WWOX: variants seen among roughly 807,000 people sequenced by gnomAD.
The protein encoded by WWOX is WW domain containing oxidoreductase.
In WWOX, 69 loss-of-function variants were observed where a neutral mutation model predicts 46.2. The observed-to-expected ratio is 1.49, with a 90% CI of 1.23 to 1.82. The LOEUF (loss-of-function observed/expected upper bound fraction) is 1.82. WWOX is among the 40% of genes most tolerant of loss of function. The probability of loss-of-function intolerance (pLI) is 0.00; values close to 1 mark genes in which losing one functional copy is unlikely to be tolerated. For missense variants in WWOX, 919 were observed against 542.6 expected (o/e 1.69, Z -6.89); for synonymous variants, 359 against 202.6 (o/e 1.77, Z -6.56).
chr16:78,709,177 A>G (rs1308455966), intron 8 of WWOX, among the ~76,000 whole-genome samples: 1 of 152,140 alleles, frequency 6.6e-6, no homozygotes, highest in Non-Finnish European at 1.5e-5. Flanking sequence ...AACTGGAGAG[A>G]GGGGTTCTGT....
intron 8 of WWOX, among the ~76,000 whole-genome samples, chr16:78,859,362 G>C (rs2052663182): frequency 6.6e-6 from 1 of 151,888 alleles, no homozygotes; most frequent in Non-Finnish European, 1.5e-5. Flanking sequence ...AATTAGAAGA[G>C]CTCTGCCTTC....
At chr16:78,760,231 C>G (rs1410304135) in intron 8 of WWOX, among the ~76,000 whole-genome samples, 1 of 152,136 alleles carries the variant, frequency 6.6e-6, no homozygotes, top group Non-Finnish European at 1.5e-5. Flanking sequence ...AACATTAGAT[C>G]TCATGAGACT....
intron 8 of WWOX, among the ~76,000 whole-genome samples, chr16:78,792,655 G>A (rs575191127): frequency 6.6e-6 from 1 of 152,280 alleles, no homozygotes; most frequent in East Asian, 1.9e-4. Flanking sequence ...AAGGAAAGAG[G>A]AAGGATACCT....
At chr16:78,104,571 A>T (rs2032023676) in intron 1 of WWOX, among the ~76,000 whole-genome samples, 1 of 152,178 alleles carries the variant, frequency 6.6e-6, no homozygotes, top group African/African-American at 2.4e-5. Flanking sequence ...TGTTCACTTA[A>T]ATTTGAATCC....
At chr16:79,137,950 G>A (rs980532143) in intron 8 of WWOX, among the ~76,000 whole-genome samples, 1 of 152,148 alleles carries the variant, frequency 6.6e-6, no homozygotes, top group Non-Finnish European at 1.5e-5. Flanking sequence ...AAGTTTTGAG[G>A]ATGAAATTGG....
chr16:78,282,751 G>T (rs751854030), intron 5 of WWOX, among the ~76,000 whole-genome samples: 5 of 151,860 alleles, frequency 3.3e-5, no homozygotes, highest in African/African-American at 1.2e-4. Context: ...GGTGGTGTTC[G>T]CCTGTAGTCC....
At chr16:78,671,064 C>G (rs1395107878) in intron 8 of WWOX, among the ~76,000 whole-genome samples, 1 of 152,176 alleles carries the variant, frequency 6.6e-6, no homozygotes, top group Admixed American at 6.5e-5. Context: ...GCAGAACCCC[C>G]AGAAGGGACT....
At position 78,531,382 on chromosome 16, in the gene WWOX, G is replaced by A. The variant is rs62033978; in HGVS notation, c.1056+98630G>A. On this transcript the variant is annotated intron_variant, in intron 8 of 8. Coordinates refer to ENST00000566780, the MANE Select transcript of WWOX (RefSeq NM_016373.4). ...TCCTTAGGTTAGAATGGTTCTGTTG[G>A]TTGAATTGTGCACCCTGTTTGGTTG... Among the ~76,000 whole-genome samples the A allele has an allele frequency of 4.1e-3, 626 of 152,260 alleles. 4 individuals carry two copies. The highest frequency in any genetic ancestry group is 6.0e-3 in the Non-Finnish European group (407 of 68,020).
intron 6 of WWOX, among the ~76,000 whole-genome samples, chr16:78,419,121 A>T (rs56011450): frequency 0.058 from 8,833 of 152,276 alleles, 303 homozygotes; most frequent in South Asian, 0.14. Flanking sequence ...AAAGTTTAAT[A>T]TGCGTAAGTC....
intron 5 of WWOX, among the ~76,000 whole-genome samples, chr16:78,361,779 T>G (rs1487280061): frequency 1.3e-5 from 2 of 151,972 alleles, no homozygotes; most frequent in African/African-American, 4.8e-5. Flanking sequence ...GCCCAGCTAA[T>G]TTTTATATTT....
intron 4 of WWOX, among the ~76,000 whole-genome samples, chr16:78,151,928 C>T (rs113785524): frequency 3.9e-5 from 6 of 152,294 alleles, no homozygotes; most frequent in African/African-American, 9.6e-5. Flanking sequence ...CGGTGGCTCA[C>T]GCCTGTAATC....
At chr16:78,506,806 A>G (rs2085218350) in intron 8 of WWOX, among the ~76,000 whole-genome samples, 1 of 147,414 alleles carries the variant, frequency 6.8e-6, no homozygotes, top group African/African-American at 2.5e-5. Flanking sequence ...CTCTGGCTCC[A>G]GGTTTAAGTG....
chr16:78,172,926 G>C (rs2035210407), intron 5 of WWOX, among the ~76,000 whole-genome samples: 1 of 152,130 alleles, frequency 6.6e-6, no homozygotes, highest in Admixed American at 6.5e-5. Context: ...TATTTAAGAG[G>C]GGAAAAATAT....
chr16:78,998,979 T>C (rs2047042526), intron 8 of WWOX, among the ~76,000 whole-genome samples: 1 of 152,140 alleles, frequency 6.6e-6, no homozygotes, highest in African/African-American at 2.4e-5. Context: ...TCCAGGAAAG[T>C]CCCAGATGTA....
At chr16:78,182,950 C>CAA (rs1193436425) in intron 5 of WWOX, among the ~76,000 whole-genome samples, 30 of 115,048 alleles carry the variant, frequency 2.6e-4, no homozygotes, top group Admixed American at 7.4e-4. Flanking sequence ...GAATCTGTCT[C>CAA]AAAAAAAAAA....
chr16:78,557,016 C>A (rs946607182), intron 8 of WWOX, among the ~76,000 whole-genome samples: 8 of 152,028 alleles, frequency 5.3e-5, no homozygotes, highest in African/African-American at 1.9e-4. Context: ...CCGAGCCCAG[C>A]CGGCAAACTT....
At chr16:78,425,274 G>A (rs1313474960) in intron 7 of WWOX, among the ~76,000 whole-genome samples, 2 of 152,046 alleles carry the variant, frequency 1.3e-5, no homozygotes, top group African/African-American at 4.8e-5. Context: ...TTGTTTTTAC[G>A]ACTATACTTC....
intron 8 of WWOX, among the ~76,000 whole-genome samples, chr16:79,126,634 C>G (rs535242043): frequency 6.6e-6 from 1 of 152,254 alleles, no homozygotes; most frequent in Admixed American, 6.5e-5. Flanking sequence ...TATAAACTAC[C>G]CAGTCTCAGG....
chr16:79,021,534 C>T (rs74036004), intron 8 of WWOX, among the ~76,000 whole-genome samples: 3,403 of 152,242 alleles, frequency 0.022, 134 homozygotes, highest in African/African-American at 0.075. Flanking sequence ...CATTAAAGAA[C>T]ACAGCTCATG....
Sources: allele counts gnomAD v4.1 joint callset (sites outside exome capture counted in the v4.1 genomes callset), GRCh38; gene constraint gnomAD v4.1.1; transcripts MANE v1.5; gene names NCBI Gene and HGNC (gene_info 2026-07-23, HGNC 2026-07-21).